Variants in PTPRT observed in about 807,000 individuals in gnomAD.
The protein encoded by PTPRT is receptor-type tyrosine-protein phosphatase T.
PTPRT carries 56 observed loss-of-function variants against 176.8 expected under a neutral mutation model. That is an observed-to-expected ratio of 0.32 (90% CI 0.26 to 0.40). The LOEUF is 0.40. PTPRT is among the 10% of genes least tolerant of loss of function. The pLI is 1.00. For missense variants in PTPRT, 1,540 were observed against 1,908.2 expected, an observed-to-expected ratio of 0.81 and a Z score of 3.60; for synonymous variants, 783 against 739.0, an observed-to-expected ratio of 1.06 and a Z score of -0.96.
chr20:42,934,940 T>C (rs1229071261), intron 1 of PTPRT, among the ~76,000 whole-genome samples: 3 of 151,480 alleles, frequency 2.0e-5, no homozygotes, highest in South Asian at 2.1e-4. Context: ...AATCTGGGCA[T>C]AGTGGCGGTG....
intron 1 of PTPRT, among the ~76,000 whole-genome samples, chr20:43,167,926 A>G (rs1262725665): frequency 6.6e-6 from 1 of 152,232 alleles, no homozygotes; most frequent in African/African-American, 2.4e-5. Flanking sequence ...GACAGATGTT[A>G]AAAGCAAAGA....
At chr20:42,300,783 A>ATTATTATTAT (rs1568753352) in intron 12 of PTPRT, among the ~76,000 whole-genome samples, 6 of 141,296 alleles carry the variant, frequency 4.2e-5, no homozygotes, top group African/African-American at 1.7e-4. Context: ...ATTATTATTT[A>ATTATTATTAT]TTATTATTAT....
At chr20:42,370,044 A>C (rs1381818293) in intron 9 of PTPRT, among the ~76,000 whole-genome samples, 1 of 140,170 alleles carries the variant, frequency 7.1e-6, no homozygotes, top group East Asian at 2.7e-4. Context: ...GTCCAGGTCC[A>C]TGCTTACCCA....
intron 6 of PTPRT, among the ~76,000 whole-genome samples, chr20:42,754,928 G>A (rs116114941): frequency 1.2e-3 from 179 of 152,230 alleles, no homozygotes; most frequent in African/African-American, 4.1e-3. Context: ...CAGGCACTGC[G>A]CTGAGTGCAG....
intron 13 of PTPRT, among the ~76,000 whole-genome samples, chr20:42,277,172 G>A (rs2057053723): frequency 6.6e-6 from 1 of 152,088 alleles, no homozygotes; most frequent in African/African-American, 2.4e-5. Flanking sequence ...CTGGAGTTCA[G>A]CTTTCAGCAC....
At chr20:42,343,794 C>T (rs946732953) in intron 11 of PTPRT, among the ~76,000 whole-genome samples, 7 of 152,252 alleles carry the variant, frequency 4.6e-5, no homozygotes, top group Admixed American at 1.3e-4. Context: ...GGATACACAG[C>T]AGATAGGCAT....
At chr20:42,821,717 G>A (rs867606093) in intron 2 of PTPRT, among the ~76,000 whole-genome samples, 18 of 152,040 alleles carry the variant, frequency 1.2e-4, no homozygotes, top group Middle Eastern at 3.4e-3. Context: ...GCAAAGTCTC[G>A]GGATACAAAA....
chr20:42,128,111 T>C (rs1044735233), intron 19 of PTPRT, among the ~76,000 whole-genome samples: 2 of 152,232 alleles, frequency 1.3e-5, no homozygotes, highest in Admixed American at 1.3e-4. Context: ...ATGTATCTCC[T>C]GGCCAGTTGC....
chr20:43,091,049 G>A (rs980902815), intron 1 of PTPRT, among the ~76,000 whole-genome samples: 3 of 152,158 alleles, frequency 2.0e-5, no homozygotes, highest in Non-Finnish European at 4.4e-5. Context: ...TGGCCAACAT[G>A]GTGAAGCCCC....
chr20:42,305,866 A>G (rs1320011888), intron 12 of PTPRT, among the ~76,000 whole-genome samples: 1 of 152,188 alleles, frequency 6.6e-6, no homozygotes, highest in Non-Finnish European at 1.5e-5. Context: ...AAGTTTCTCT[A>G]CTTTTTCACC....
At position 42,387,521 on chromosome 20, in the gene PTPRT, GT is replaced by G. The variant is rs78064815; in HGVS notation, c.1561-35237del. ...CCATGGTCTTTTTGTTGTTGTTGTCGTCGTCATTTGTTTTGTGTTATTATTT... is the reference window on the plus strand; with the variant it reads ...CCATGGTCTTTTTGTTGTTGTTGTCGCGTCATTTGTTTTGTGTTATTATTT... On this transcript the variant is annotated intron_variant, in intron 9 of 30. Transcript: ENST00000373187. Among the ~76,000 whole-genome samples the G allele has an allele frequency of 1.2e-3, 187 of 152,210 alleles. 3 individuals carry two copies. The East Asian group carries it at 0.019, about 15-fold the overall frequency.
At chr20:42,479,404 A>C (rs778209006) in intron 7 of PTPRT, among the ~76,000 whole-genome samples, 1 of 152,206 alleles carries the variant, frequency 6.6e-6, no homozygotes, top group Non-Finnish European at 1.5e-5. Context: ...GGCAGCTGGA[A>C]ACATTATTGC....
At chr20:43,051,892 C>G (rs1987060162) in intron 1 of PTPRT, among the ~76,000 whole-genome samples, 1 of 151,650 alleles carries the variant, frequency 6.6e-6, no homozygotes, top group Non-Finnish European at 1.5e-5. Flanking sequence ...TCCAAGGGAA[C>G]CAAAATGAAA....
At chr20:42,919,845 T>C (rs1234200595) in intron 1 of PTPRT, among the ~76,000 whole-genome samples, 3 of 152,216 alleles carry the variant, frequency 2.0e-5, no homozygotes, top group Non-Finnish European at 2.9e-5. Context: ...AACTGTAGTG[T>C]GCATGAGATT....
intron 1 of PTPRT, among the ~76,000 whole-genome samples, chr20:42,943,525 G>A (rs1798520663): frequency 6.6e-6 from 1 of 151,792 alleles, no homozygotes; most frequent in African/African-American, 2.4e-5. Flanking sequence ...CCTCTCCTAG[G>A]ACACCCCTAC....
At chr20:42,524,409 T>C (rs1331553794) in intron 7 of PTPRT, among the ~76,000 whole-genome samples, 2 of 152,216 alleles carry the variant, frequency 1.3e-5, no homozygotes, top group African/African-American at 2.4e-5. Flanking sequence ...CAACCATGTA[T>C]GCAATTTAAG....
intron 11 of PTPRT, among the ~76,000 whole-genome samples, chr20:42,337,155 C>G (rs542767796): frequency 6.7e-6 from 1 of 148,792 alleles, no homozygotes; most frequent in Non-Finnish European, 1.5e-5. Flanking sequence ...TATTTAGAAG[C>G]CCCCCCTTCC....
chr20:43,021,675 G>C (rs945576283), intron 1 of PTPRT, among the ~76,000 whole-genome samples: 2 of 152,172 alleles, frequency 1.3e-5, no homozygotes, highest in Admixed American at 1.3e-4. Flanking sequence ...AGACAGTTAA[G>C]GTATTCAGAT....
intron 8 of PTPRT, among the ~76,000 whole-genome samples, chr20:42,471,387 T>G (rs1362223272): frequency 6.6e-6 from 1 of 152,118 alleles, no homozygotes. Context: ...CATGGGTTGG[T>G]GCTGTCTTCG....
Sources: allele counts gnomAD v4.1 joint callset (sites outside exome capture counted in the v4.1 genomes callset), GRCh38; gene constraint gnomAD v4.1.1; transcripts MANE v1.5; gene names NCBI Gene and HGNC (gene_info 2026-07-23, HGNC 2026-07-21).